Variants in CUBN observed in about 807,000 individuals in gnomAD.
CUBN encodes the protein cubilin.
In CUBN, 282 loss-of-function variants were observed where a neutral mutation model predicts 405.3. The ratio of observed to expected loss-of-function variants is 0.70; its 90% CI spans 0.63 to 0.77. The LOEUF (loss-of-function observed/expected upper bound fraction) is 0.77, where lower values mean the gene tolerates loss of function less well. Among genes scored for constraint, CUBN ranks in the 30% least tolerant of loss-of-function variants. The pLI is 0.00. For synonymous variants in CUBN, 1,684 were observed against 1,617.0 expected (o/e 1.04, Z -0.99); for missense variants, 4,514 against 4,475.2 (o/e 1.01, Z -0.25).
intron 31 of CUBN, among the ~76,000 whole-genome samples, chr10:16,976,439 C>T (rs931179381): frequency 1.3e-5 from 2 of 152,088 alleles, no homozygotes; most frequent in Non-Finnish European, 2.9e-5. Flanking sequence ...AACAAGCAAT[C>T]TGTTCCCCAC....
intron 28 of CUBN, among the ~76,000 whole-genome samples, chr10:16,996,100 T>C (rs1200739018): frequency 1.3e-5 from 2 of 152,072 alleles, no homozygotes; most frequent in East Asian, 3.8e-4. Flanking sequence ...GAACTAACAA[T>C]GTTGAATGCT....
intron 62 of CUBN, among the ~76,000 whole-genome samples, chr10:16,837,539 T>C (rs544760234): frequency 1.1e-3 from 163 of 152,072 alleles, no homozygotes; most frequent in Non-Finnish European, 1.8e-3. Context: ...CCTTTAGAGG[T>C]TTCTGTGTTT....
chr10:16,933,449 G>C (rs1842417807), intron 39 of CUBN, among the ~76,000 whole-genome samples, 165 bp from the exon 40 acceptor site: 1 of 152,152 alleles, frequency 6.6e-6, no homozygotes, highest in Non-Finnish European at 1.5e-5. Flanking sequence ...GATTCGGAAA[G>C]CTGCAATTTC....
chr10:16,876,758 C>T, intron 57 of CUBN, 139 bp downstream of exon 57: 1 of 796,262 alleles, frequency 1.3e-6, no homozygotes, highest in South Asian at 1.5e-5. Context: ...ATTTTTTAAC[C>T]ATGAACCTCA....
chr10:17,107,157 A>C (rs1158002710), intron 10 of CUBN, among the ~76,000 whole-genome samples: 1 of 152,224 alleles, frequency 6.6e-6, no homozygotes, highest in African/African-American at 2.4e-5. Context: ...ATAGTTTTAG[A>C]GCATCCAGCA....
At position 16,990,358 on chromosome 10, in the gene CUBN, T is replaced by C. The variant is rs1427401038; in HGVS notation, c.4326A>G (p.Ser1442=). Residue 1442 remains serine (S), a synonymous_variant, in exon 29 of 67, where the codon TCA becomes TCG. Transcript: ENST00000377833. The part of the protein sequence containing the change: ...TIHDFDVEYH[S]RCNFDVLEIY... ...CCTCCAAGACATCAAAGTTGCACCT[T>C]GAATGATACTCCACATCGAAGTCAT... 1.2e-6 allele frequency: 2 copies of C among 1,614,088 alleles called. No homozygotes were observed. The highest frequency in any genetic ancestry group is 1.7e-5 in the Admixed American group (1 of 60,012).
At chr10:17,102,917 C>T (rs1337679604) in intron 13 of CUBN, among the ~76,000 whole-genome samples, 1 of 151,844 alleles carries the variant, frequency 6.6e-6, no homozygotes, top group Non-Finnish European at 1.5e-5. Flanking sequence ...TGCACCCAGC[C>T]CCTGTGACTT....
chr10:17,111,081 C>T, intron 8 of CUBN, 31 bp from the exon 9 acceptor site: 7 of 1,613,138 alleles, frequency 4.3e-6, no homozygotes, highest in Non-Finnish European at 5.9e-6. Context: ...AAAAGTTTAG[C>T]TCTATAGACA....
At chr10:16,832,623 G>A (rs990088718) in intron 64 of CUBN, among the ~76,000 whole-genome samples, 1 of 152,174 alleles carries the variant, frequency 6.6e-6, no homozygotes, top group Non-Finnish European at 1.5e-5. Flanking sequence ...TGCTCTGAGA[G>A]GAGCAGCAGG....
At position 16,851,455 on chromosome 10, in the gene CUBN, C is replaced by G. The variant is rs370688491; in HGVS notation, c.9455-12G>C. Reference sequence around the variant, plus strand: ...TCCTTGCTGAGGCCCTGCATTAAAACAAAGACATCACTATGCAGACCAAAC... The same window carrying G: ...TCCTTGCTGAGGCCCTGCATTAAAAGAAAGACATCACTATGCAGACCAAAC... On this transcript the variant is annotated splice_polypyrimidine_tract_variant and intron_variant, in intron 59 of 66. Transcript: ENST00000377833. The G allele has an allele frequency of 1.2e-6, 2 of 1,613,030 alleles. No homozygotes were observed. The highest frequency in any genetic ancestry group is 1.3e-5 in the African/African-American group (1 of 74,998).
chr10:16,952,318 T>C lies in CUBN; in HGVS notation c.4927A>G (p.Asn1643Asp), dbSNP rs757997847. 21 of 1,613,876 alleles carry C rather than the reference T, an allele frequency of 1.3e-5. No homozygotes were observed. The South Asian group carries it at 2.2e-4, about 17-fold the overall frequency. Residue 1643 changes from asparagine (N) to aspartate (D), a missense_variant, in exon 33 of 67, where the codon AAC becomes GAC. By Grantham distance (23) the Asn-to-Asp change is conservative. Transcript: ENST00000377833. ...ATGATCCAGCTGCAGTTCTGATTGT[T>C]TGGATAATTGGCAGGGAACCGTGGA... ...SSPRFPANYP[N>D]NQNCSWIIQA...
At position 16,899,282 on chromosome 10, in the gene CUBN, A is replaced by G. The variant is rs1378366588; in HGVS notation, c.8411-99T>C. 3 of 910,308 alleles carry G rather than the reference A, an allele frequency of 3.3e-6. No homozygotes were observed. In the African/African-American group the frequency reaches 4.9e-5, roughly 15 times the overall value. The allele number at this position is 910,308 out of a possible 1,614,324, so 56.4% of individuals were successfully genotyped here. A position where few individuals can be genotyped will look rare whatever the true frequency, so the allele number is the denominator to read the frequency against. On this transcript the variant is annotated intron_variant, in intron 53 of 66. Transcript: ENST00000377833. ...GGAACATTTCCAAATGTGAGATTTC[A>G]ATTCATCATTTTTTACAAGTGATCA...
chr10:16,846,123 T>C (rs1013920977), intron 60 of CUBN, among the ~76,000 whole-genome samples: 11 of 152,232 alleles, frequency 7.2e-5, no homozygotes, highest in Non-Finnish European at 1.3e-4. Flanking sequence ...ATGCACCAAA[T>C]TTCCAGAAAT....
chr10:17,094,968 A>G (rs1219051886), intron 14 of CUBN, among the ~76,000 whole-genome samples: 1 of 152,038 alleles, frequency 6.6e-6, no homozygotes, highest in African/African-American at 2.4e-5. Flanking sequence ...ATTTAAAAAT[A>G]CATTTAAAAT....
intron 36 of CUBN, among the ~76,000 whole-genome samples, chr10:16,942,646 C>T (rs1842680421): frequency 6.6e-6 from 1 of 152,100 alleles, no homozygotes; most frequent in Admixed American, 6.6e-5. Flanking sequence ...TAAAATAGTC[C>T]ATCCCTATAA....
At chr10:16,879,181 AG>A (rs1453308642) in intron 56 of CUBN, among the ~76,000 whole-genome samples, 1 of 152,226 alleles carries the variant, frequency 6.6e-6, no homozygotes, top group Non-Finnish European at 1.5e-5. Flanking sequence ...CATTCTCACC[AG>A]GGATGTGTGG....
rs1842170279 is a variant in CUBN at position 16,925,741 on chromosome 10, A to G, written c.6305T>C (p.Ile2102Thr). The change falls in exon 42 of 67, where the codon ATC becomes ACC. Residue 2102 changes from isoleucine (I) to threonine (T), a missense_variant. Ile to Thr is a moderately conservative substitution (Grantham distance 89, BLOSUM62 -1). Coordinates refer to ENST00000377833, the MANE Select transcript of CUBN (RefSeq NM_001081.4). Reference sequence around the variant, plus strand: ...CTCTGGATACTTGGGGGACGTGATGATCCCTCTGTCTGCATGCAAATATCC... The same window carrying G: ...CTCTGGATACTTGGGGGACGTGATGGTCCCTCTGTCTGCATGCAAATATCC... Reference protein sequence around the residue: ...CGGYLHADRGIITSPKYPETY... With the variant: ...CGGYLHADRGTITSPKYPETY... 1 of 1,613,868 alleles carries G rather than the reference A, an allele frequency of 6.2e-7. No homozygotes were observed. The highest frequency in any genetic ancestry group is 1.7e-5 in the Admixed American group (1 of 59,968).
At chr10:17,077,343 A>G (rs1330901657) in intron 17 of CUBN, among the ~76,000 whole-genome samples, 4 of 152,200 alleles carry the variant, frequency 2.6e-5, no homozygotes, top group Admixed American at 6.5e-5. Context: ...GATTTTCTAT[A>G]GAGAGAACTA....
intron 54 of CUBN, among the ~76,000 whole-genome samples, chr10:16,894,619 T>C (rs1275277228): frequency 1.3e-5 from 2 of 152,206 alleles, no homozygotes; most frequent in African/African-American, 2.4e-5. Flanking sequence ...CCTAGGTAAA[T>C]AGTAAGGTAG....
Sources: allele counts gnomAD v4.1 joint callset (sites outside exome capture counted in the v4.1 genomes callset), GRCh38; gene constraint gnomAD v4.1.1; transcripts MANE v1.5; gene names NCBI Gene and HGNC (gene_info 2026-07-23, HGNC 2026-07-21).